MCCC1: variants seen among roughly 807,000 people sequenced by gnomAD.
MCCC1 encodes methylcrotonoyl-CoA carboxylase subunit alpha, mitochondrial.
A neutral mutation model predicts 83.8 loss-of-function variants in MCCC1; 64 were observed. The observed-to-expected ratio is 0.76, with a 90% CI of 0.62 to 0.94. The LOEUF is 0.94. Among genes scored for constraint, MCCC1 ranks in the 40% least tolerant of loss-of-function variants. The pLI, the probability that MCCC1 is intolerant of heterozygous loss-of-function variation, is 0.00. For synonymous variants in MCCC1, 322 were observed against 315.4 expected, an observed-to-expected ratio of 1.02 and a Z score of -0.22; for missense variants, 807 against 904.7, an observed-to-expected ratio of 0.89 and a Z score of 1.39.
Position 183,060,513 on chromosome 3 carries a change from A to G in MCCC1, c.762-3091T>C, listed in dbSNP as rs184975533. On this transcript the variant is annotated intron_variant, in intron 7 of 18. Transcript: ENST00000265594. ...CATAACACAAATCAGCTATTTTGCT[A>G]TACGACTGAAATCCTTTTCATTGTT... 6.6e-4 allele frequency among the ~76,000 whole-genome samples: 101 copies of G among 152,340 alleles called. 3 individuals carry two copies. In the East Asian group the frequency reaches 0.019, roughly 28 times the overall value.
intron 10 of MCCC1, among the ~76,000 whole-genome samples, chr3:183,042,535 A>C (rs532487856): frequency 6.6e-6 from 1 of 152,368 alleles, no homozygotes; most frequent in Non-Finnish European, 1.5e-5. Flanking sequence ...TAAGTAACTT[A>C]GCATGACATT....
intron 3 of MCCC1, among the ~76,000 whole-genome samples, chr3:183,091,725 CAGTA>C (rs1230701280): frequency 8.2e-5 from 4 of 48,878 alleles, no homozygotes; most frequent in Non-Finnish European, 2.6e-4. Flanking sequence ...ATCACTCAGC[CAGTA>C]AGTAGCAGGT....
intron 7 of MCCC1, among the ~76,000 whole-genome samples, chr3:183,066,779 C>T (rs1461464493): frequency 6.6e-6 from 1 of 152,214 alleles, no homozygotes; most frequent in East Asian, 1.9e-4. Context: ...ACTAAACTAA[C>T]AGAAGTCTGA....
chr3:183,075,504 A>ATGT (rs887465344), intron 4 of MCCC1, among the ~76,000 whole-genome samples: 2 of 149,172 alleles, frequency 1.3e-5, no homozygotes, highest in African/African-American at 4.9e-5. Flanking sequence ...GGTCACATGT[A>ATGT]TGTCTTCTTT....
chr3:183,068,811 T>C (rs1716439275), intron 7 of MCCC1, among the ~76,000 whole-genome samples: 1 of 152,222 alleles, frequency 6.6e-6, no homozygotes, highest in Admixed American at 6.5e-5. Context: ...CTTACCATTG[T>C]GTTACAAATG....
chr3:183,016,381 C>G (rs1200412875), intron 18 of MCCC1: 1 of 152,228 alleles, frequency 6.6e-6, no homozygotes, highest in Non-Finnish European at 1.5e-5. Flanking sequence ...CAGGCATGCA[C>G]CACCATGCCT....
At chr3:183,094,303 G>A (rs1283406149) in intron 2 of MCCC1, among the ~76,000 whole-genome samples, 2 of 151,970 alleles carry the variant, frequency 1.3e-5, no homozygotes, top group Non-Finnish European at 2.9e-5. Context: ...ACCCACCTCA[G>A]CCTCCCAAAG....
chr3:183,022,780 T>G, intron 15 of MCCC1: 1 of 475,364 alleles, frequency 2.1e-6, no homozygotes, highest in Non-Finnish European at 3.7e-6. Context: ...AAAAGTTATA[T>G]AACTTATCCA....
chr3:183,063,918 G>T (rs938068942), intron 7 of MCCC1, among the ~76,000 whole-genome samples: 8 of 152,126 alleles, frequency 5.3e-5, no homozygotes, highest in African/African-American at 1.9e-4. Flanking sequence ...GATAGGATTG[G>T]GTTACAGGCC....
intron 17 of MCCC1, chr3:183,017,712 C>G (rs956065992): frequency 2.7e-5 from 7 of 258,646 alleles, no homozygotes; most frequent in Admixed American, 1.5e-4. Context: ...AGGCTTACAG[C>G]CCAAATGTAC....
At chr3:183,052,314 G>A in intron 8 of MCCC1, 74 bp from the exon 9 acceptor site, 1 of 1,279,594 alleles carries the variant, frequency 7.8e-7, no homozygotes, top group Admixed American at 1.7e-5. Flanking sequence ...ATTCAATTCA[G>A]TCAGGTGCCA....
chr3:183,050,040 A>G (rs1714842784), intron 9 of MCCC1, among the ~76,000 whole-genome samples: 2 of 152,070 alleles, frequency 1.3e-5, no homozygotes, highest in Non-Finnish European at 2.9e-5. Flanking sequence ...AGATCACTTG[A>G]GTCCAGGAAG....
chr3:183,079,176 A>G lies in MCCC1; in HGVS notation c.370-6689T>C, dbSNP rs532924805. Reference sequence around the variant, plus strand: ...ATGTCCTCACATTTTGAAACCAATCATGCCTTCCCAACAGTCCCTCAAAGT... The same window carrying G: ...ATGTCCTCACATTTTGAAACCAATCGTGCCTTCCCAACAGTCCCTCAAAGT... On this transcript the variant is annotated intron_variant, in intron 4 of 18. Coordinates refer to ENST00000265594, the MANE Select transcript of MCCC1 (RefSeq NM_020166.5). 7.2e-5 allele frequency among the ~76,000 whole-genome samples: 11 copies of G among 152,330 alleles called. No individual in the cohort carries two copies. In the East Asian group the frequency reaches 1.9e-3, roughly 27 times the overall value.
chr3:183,069,253 G>A (rs1292723203), intron 7 of MCCC1, among the ~76,000 whole-genome samples: 1 of 152,186 alleles, frequency 6.6e-6, no homozygotes, highest in Non-Finnish European at 1.5e-5. Context: ...AAATTATAAT[G>A]TGACGCAATG....
chr3:183,042,522 C>T (rs896403702), intron 10 of MCCC1, among the ~76,000 whole-genome samples: 7 of 152,192 alleles, frequency 4.6e-5, no homozygotes, highest in Admixed American at 3.9e-4. Context: ...AAAATCTAGA[C>T]TCTAAGTAAC....
intron 7 of MCCC1, among the ~76,000 whole-genome samples, chr3:183,066,602 A>G (rs540895913): frequency 6.6e-6 from 1 of 152,170 alleles, no homozygotes; most frequent in Non-Finnish European, 1.5e-5. Flanking sequence ...CAAGCCCCAA[A>G]AGGTGATTTA....
At chr3:183,081,540 T>C (rs1271063774) in intron 4 of MCCC1, among the ~76,000 whole-genome samples, 1 of 152,190 alleles carries the variant, frequency 6.6e-6, no homozygotes, top group Admixed American at 6.5e-5. Context: ...GAAGTGTCCT[T>C]TCCATGGTGA....
In MCCC1 at chr3:183,037,343, G is replaced by A. The variant is rs773618092; in HGVS notation, c.1469C>T (p.Pro490Leu). The A allele has an allele frequency of 6.2e-7, 1 of 1,614,110 alleles. No individual in the cohort carries two copies. The highest frequency in any genetic ancestry group is 1.7e-5 in the Admixed American group (1 of 60,014). The change falls in exon 13 of 19, where the codon CCT (proline) becomes CTT (leucine). Residue 490 changes from proline (P) to leucine (L), a missense_variant. By Grantham distance (98) the Pro-to-Leu change is moderately conservative. Coordinates refer to ENST00000265594, the MANE Select transcript of MCCC1 (RefSeq NM_020166.5). The part of the protein sequence containing the change: ...EAGNVHTDFI[P>L]QHHKQLLLSR... ...GAGCAACAACTGTTTGTGGTGTTGA[G>A]GGATGAAATCAGTGTGCACGTTCCC...
rs202083272 is a variant in MCCC1 at position 183,071,002 on chromosome 3, G to A, written c.758C>T (p.Pro253Leu). Residue 253 changes from proline to leucine, a missense_variant, in exon 7 of 19, where the codon CCG becomes CTG. Coordinates refer to ENST00000265594, the MANE Select transcript of MCCC1 (RefSeq NM_020166.5). ...AMLIEKFVDT[P>L]RHVEVQVFGD... is the part of the protein sequence containing the mutation. The stretch of plus-strand genomic sequence containing the variant: ...CAGAAAAATAAGGCCAACCCACCTC[G>A]GTGTGTCTACAAACTTCTCGATCAG... The A allele has an allele frequency of 6.2e-6, 10 of 1,613,512 alleles. No individual in the cohort carries two copies. Among genetic ancestry groups the A allele is most frequent in the African/African-American group, 5.3e-5 (4 of 74,830 alleles).
Sources: gnomAD v4.1 joint callset for allele counts (sites outside exome capture counted in the v4.1 genomes callset) on GRCh38, gnomAD v4.1.1 for gene constraint, MANE v1.5 for transcripts, NCBI Gene and HGNC (gene_info 2026-07-23, HGNC 2026-07-21) for gene names.